OSBPL1A: variants seen among roughly 807,000 people sequenced by gnomAD.
OSBPL1A encodes the protein oxysterol-binding protein-related protein 1.
OSBPL1A carries 80 observed loss-of-function variants against 137.1 expected under a neutral mutation model. The ratio of observed to expected loss-of-function variants is 0.58; its 90% CI spans 0.49 to 0.70. The LOEUF (loss-of-function observed/expected upper bound fraction) is 0.70. Among genes scored for constraint, OSBPL1A ranks in the 30% least tolerant of loss-of-function variants. OSBPL1A has a pLI of 0.00. For missense variants in OSBPL1A, 970 were observed against 1,129.4 expected, an observed-to-expected ratio of 0.86 and a Z score of 2.02; for synonymous variants, 365 against 389.7, an observed-to-expected ratio of 0.94 and a Z score of 0.75.
intron 16 of OSBPL1A, among the ~76,000 whole-genome samples, chr18:24,238,447 C>T (rs1261275233): frequency 6.6e-6 from 1 of 152,166 alleles, no homozygotes; most frequent in African/African-American, 2.4e-5. Context: ...TTAGCAGTAC[C>T]TCCTCTCATC....
Position 24,165,092 on chromosome 18 carries a change from G to A in OSBPL1A, c.2723C>T (p.Ser908Phe). ...CGTCTTCCAGTCCTCTTCTGACTTG[G>A]ACCTGTTTTTGCGGGCTGCTCTTTG... Reference protein sequence around the residue: ...EKQRAARKNRSKSEEDWKTRW... With the variant: ...EKQRAARKNRFKSEEDWKTRW... The change falls in exon 27 of 28, where the codon TCC becomes TTC. Residue 908 changes from serine (S) to phenylalanine (F), a missense_variant. This residue lies in a region of OSBPL1A where 323 missense variants were observed against 456.8 expected (regional missense o/e 0.71). Coordinates refer to ENST00000319481, the MANE Select transcript of OSBPL1A (RefSeq NM_080597.4). 3 of 1,614,128 alleles carry A rather than the reference G, an allele frequency of 1.9e-6. No homozygotes were observed. The highest frequency in any genetic ancestry group is 2.5e-6 in the Non-Finnish European group (3 of 1,180,026).
chr18:24,308,648 A>G (rs2090553770), intron 13 of OSBPL1A, among the ~76,000 whole-genome samples: 4 of 152,154 alleles, frequency 2.6e-5, no homozygotes, highest in Admixed American at 1.3e-4. Flanking sequence ...ACTGTCCAAT[A>G]GAACTTTCTA....
In OSBPL1A at chr18:24,241,926, C is replaced by T. The variant is rs190838861; in HGVS notation, c.1282-2544G>A. Among the ~76,000 whole-genome samples the T allele has an allele frequency of 1.3e-3, 199 of 152,224 alleles. 1 individual carries two copies. Among genetic ancestry groups the T allele is most frequent in the African/African-American group, 4.4e-3 (184 of 41,512 alleles). ...ATTAAGAAAATGTGGCACATATACACCATGGAATACTACACAGCCATAAAA... is the reference window on the plus strand; with the variant it reads ...ATTAAGAAAATGTGGCACATATACATCATGGAATACTACACAGCCATAAAA... On this transcript the variant is annotated intron_variant, in intron 15 of 27. Transcript: ENST00000319481.
intron 1 of OSBPL1A, among the ~76,000 whole-genome samples, chr18:24,391,757 C>CA (rs1242033932): frequency 4.6e-5 from 7 of 151,932 alleles, no homozygotes; most frequent in East Asian, 1.9e-4. Context: ...ACGACAACAA[C>CA]AAAAAAACCT....
At chr18:24,313,945 A>AT (rs2090672036) in intron 12 of OSBPL1A, among the ~76,000 whole-genome samples, 1 of 129,232 alleles carries the variant, frequency 7.7e-6, no homozygotes. Flanking sequence ...CTGCTAAAAT[A>AT]CAAAAAAAAA....
intron 27 of OSBPL1A, among the ~76,000 whole-genome samples, chr18:24,164,232 T>C (rs1447022918): frequency 2.6e-5 from 4 of 151,954 alleles, no homozygotes; most frequent in Non-Finnish European, 5.9e-5. Flanking sequence ...TACGAGAAAA[T>C]GTTCAACATC....
chr18:24,330,226 T>G (rs2091051614), intron 7 of OSBPL1A, among the ~76,000 whole-genome samples: 1 of 152,154 alleles, frequency 6.6e-6, no homozygotes, highest in Non-Finnish European at 1.5e-5. Context: ...TGGGATGACC[T>G]CCGACTGCTC....
chr18:24,187,036 T>C (rs1002302358), intron 18 of OSBPL1A, among the ~76,000 whole-genome samples: 3 of 150,724 alleles, frequency 2.0e-5, no homozygotes, highest in African/African-American at 4.9e-5. Context: ...AGTCATAAAA[T>C]GGATAAGGAA....
chr18:24,191,542 C>T (rs200967785), intron 18 of OSBPL1A, among the ~76,000 whole-genome samples: 6,160 of 152,124 alleles, frequency 0.04, 454 homozygotes, highest in East Asian at 0.37. Context: ...AACATTTTAC[C>T]TTTGTTAATA....
At chr18:24,331,482 C>T (rs891432175) in intron 7 of OSBPL1A, among the ~76,000 whole-genome samples, 6 of 151,348 alleles carry the variant, frequency 4.0e-5, no homozygotes, top group Non-Finnish European at 8.8e-5. Flanking sequence ...CTGCAAGCTC[C>T]GCCTCCCGGG....
intron 14 of OSBPL1A, among the ~76,000 whole-genome samples, chr18:24,297,361 A>C (rs991006076): frequency 1.3e-5 from 2 of 152,108 alleles, no homozygotes; most frequent in Non-Finnish European, 2.9e-5. Flanking sequence ...ATTTCGAATT[A>C]AGCTTATTTG....
intron 13 of OSBPL1A, among the ~76,000 whole-genome samples, chr18:24,304,705 A>G (rs2090468430): frequency 6.6e-6 from 1 of 152,196 alleles, no homozygotes; most frequent in Admixed American, 6.5e-5. Context: ...ATAGATCAGT[A>G]TGTCAAGGTG....
Position 24,258,924 on chromosome 18 carries a change from T to C in OSBPL1A, c.1282-19542A>G, listed in dbSNP as rs1004131106. Among the ~76,000 whole-genome samples the C allele has an allele frequency of 4.7e-5, 6 of 126,788 alleles. No individual in the cohort carries two copies. In the East Asian group the frequency reaches 1.1e-3, roughly 24 times the overall value. The allele number at this position is 126,788 out of a possible 152,430, so 83.2% of individuals were successfully genotyped here. A position where few individuals can be genotyped will look rare whatever the true frequency, so the allele number is the denominator to read the frequency against. The stretch of plus-strand genomic sequence containing the variant: ...TTTAAAGTCTATTTTTAAAATTACA[T>C]CTTTTTTTTTTTTTTTTTTTTTTTT... On this transcript the variant is annotated intron_variant, in intron 15 of 27. Transcript: ENST00000319481.
intron 14 of OSBPL1A, among the ~76,000 whole-genome samples, chr18:24,289,811 A>C (rs2090143451): frequency 6.6e-6 from 1 of 152,150 alleles, no homozygotes; most frequent in Non-Finnish European, 1.5e-5. Context: ...TAAGTAAGTT[A>C]TATAGGCTCC....
intron 7 of OSBPL1A, among the ~76,000 whole-genome samples, chr18:24,325,737 C>A (rs369541641): frequency 2.0e-5 from 3 of 152,268 alleles, no homozygotes; most frequent in East Asian, 3.9e-4. Flanking sequence ...GCACCTAGGA[C>A]GGTTCTTGGC....
intron 1 of OSBPL1A, among the ~76,000 whole-genome samples, chr18:24,390,567 TGCCTGTAATTCCAGCTACTGGG>T (rs1429794544): frequency 3.4e-4 from 52 of 151,784 alleles, no homozygotes; most frequent in Middle Eastern, 3.4e-3. Flanking sequence ...TGGTGGCACA[TGCCTGTAATTCCAGCTACTGGG>T]GAGGCTGAGG....
rs151227452 is a variant in OSBPL1A, at chr18:24,233,717, C to T, written c.1444+5503G>A. On this transcript the variant is annotated intron_variant, in intron 16 of 27. Coordinates refer to ENST00000319481, the MANE Select transcript of OSBPL1A (RefSeq NM_080597.4). ...AGGATGGAGTGCAATGGCGCGATCT[C>T]GGCTCACTGCAACCTCCGCCTCCCA... 2.4e-3 allele frequency among the ~76,000 whole-genome samples: 366 copies of T among 152,194 alleles called. 1 individual carries two copies. Among genetic ancestry groups the T allele is most frequent in the African/African-American group, 8.5e-3 (351 of 41,504 alleles).
At chr18:24,336,818 T>G (rs994687567) in intron 5 of OSBPL1A, among the ~76,000 whole-genome samples, 3 of 152,172 alleles carry the variant, frequency 2.0e-5, no homozygotes, top group African/African-American at 7.2e-5. Flanking sequence ...ATTTCATTCA[T>G]GATAGCAAAA....
At chr18:24,210,105 T>C (rs1259992377) in intron 17 of OSBPL1A, among the ~76,000 whole-genome samples, 1 of 152,200 alleles carries the variant, frequency 6.6e-6, no homozygotes, top group African/African-American at 2.4e-5. Flanking sequence ...CTTTTGGTCT[T>C]AAGATCAATT....
Sources: gnomAD v4.1 joint callset for allele counts (sites outside exome capture counted in the v4.1 genomes callset) on GRCh38, gnomAD v4.1.1 for gene constraint, gnomAD v4.1.1 regional missense constraint, MANE v1.5 for transcripts, NCBI Gene and HGNC (gene_info 2026-07-23, HGNC 2026-07-21) for gene names.